ZMAT4: variants seen among roughly 807,000 people sequenced by gnomAD.
ZMAT4 encodes zinc finger matrin-type protein 4.
A neutral mutation model predicts 28.7 loss-of-function variants in ZMAT4; 17 were observed. The ratio of observed to expected loss-of-function variants is 0.59; its 90% confidence interval spans 0.41 to 0.89. The LOEUF is 0.89. Among genes scored for constraint, ZMAT4 ranks in the 40% least tolerant of loss-of-function variants. ZMAT4 has a pLI of 0.00. For missense variants in ZMAT4, 240 were observed against 283.8 expected (o/e 0.85, Z 1.11); for synonymous variants, 117 against 109.2 (o/e 1.07, Z -0.44).
chr8:40,799,365 C>T (rs767471823), intron 2 of ZMAT4, among the ~76,000 whole-genome samples: 100 of 152,206 alleles, frequency 6.6e-4, no homozygotes, highest in Non-Finnish European at 1.1e-3. Flanking sequence ...TCCTGTCTGT[C>T]CGTCTCTCTC....
At chr8:40,674,679 C>A in intron 5 of ZMAT4, 25 bp downstream of exon 5, 1 of 1,589,818 alleles carries the variant, frequency 6.3e-7, no homozygotes. Flanking sequence ...AGTTTTGTGG[C>A]AGAAGTGAGA....
At chr8:40,795,429 T>G (rs956042152) in intron 2 of ZMAT4, among the ~76,000 whole-genome samples, 1 of 152,188 alleles carries the variant, frequency 6.6e-6, no homozygotes, top group African/African-American at 2.4e-5. Context: ...ATGAGACTGT[T>G]TTTTAGTGCA....
intron 3 of ZMAT4, among the ~76,000 whole-genome samples, chr8:40,703,627 G>A (rs1022779741): frequency 3.3e-5 from 5 of 152,138 alleles, no homozygotes; most frequent in Non-Finnish European, 5.9e-5. Context: ...AGGAGTGATT[G>A]CTAATGGGTA....
chr8:40,648,188 A>C (rs1167344500), intron 5 of ZMAT4, among the ~76,000 whole-genome samples: 1 of 152,188 alleles, frequency 6.6e-6, no homozygotes, highest in East Asian at 1.9e-4. Flanking sequence ...AAAATTTAGA[A>C]GAACGTATAA....
intron 3 of ZMAT4, among the ~76,000 whole-genome samples, chr8:40,710,281 A>T (rs1810547158): frequency 6.6e-6 from 1 of 152,184 alleles, no homozygotes; most frequent in Non-Finnish European, 1.5e-5. Flanking sequence ...CAATATTGTT[A>T]TTCACGGGAT....
At chr8:40,728,371 A>G (rs1427509443) in intron 3 of ZMAT4, among the ~76,000 whole-genome samples, 1 of 152,196 alleles carries the variant, frequency 6.6e-6, no homozygotes, top group East Asian at 1.9e-4. Flanking sequence ...TTTCTTGTTC[A>G]TGTAACATCC....
chr8:40,574,670 T>C (rs1804204329), intron 6 of ZMAT4, among the ~76,000 whole-genome samples: 1 of 152,138 alleles, frequency 6.6e-6, no homozygotes, highest in Non-Finnish European at 1.5e-5. Context: ...AAGTCCAGCA[T>C]AGAGAGGGGA....
At chr8:40,881,437 A>AAGAAAGAAAG (rs1818223694) in intron 1 of ZMAT4, among the ~76,000 whole-genome samples, 1 of 50,064 alleles carries the variant, frequency 2.0e-5, no homozygotes, top group Non-Finnish European at 4.5e-5. Flanking sequence ...GAAAGAGAGA[A>AAGAAAGAAAG]AGAAAGAAAG....
In ZMAT4 at chr8:40,683,794, G is replaced by A. The variant is rs571521763; in HGVS notation, c.350-8863C>T. Among the ~76,000 whole-genome samples, 4 of 152,270 alleles carry A rather than the reference G, an allele frequency of 2.6e-5. No homozygotes were observed. In the South Asian group the frequency reaches 8.3e-4, roughly 32 times the overall value. ...GTATAATTATTTCAGACCAGGCACA[G>A]TGGCTCACGCTTGTAATTCCAGAAC... is the stretch of plus-strand genomic sequence containing the variant. On this transcript the variant is annotated intron_variant, in intron 4 of 6. Transcript: ENST00000297737.
At chr8:40,729,982 T>A (rs933699769) in intron 3 of ZMAT4, among the ~76,000 whole-genome samples, 6 of 152,228 alleles carry the variant, frequency 3.9e-5, no homozygotes, top group African/African-American at 7.2e-5. Context: ...TATATTTGAG[T>A]AACCATAATT....
chr8:40,638,582 G>A lies in ZMAT4; in HGVS notation c.577+36122C>T, dbSNP rs140948902. ...TGTTCAGAGAATCAATGGCAACCAA[G>A]AAGACAAGTACCACAAGAGTGACTC... is the stretch of plus-strand genomic sequence containing the variant. On this transcript the variant is annotated intron_variant, in intron 5 of 6. Transcript: ENST00000297737. 2.9e-3 allele frequency among the ~76,000 whole-genome samples: 437 copies of A among 152,294 alleles called. 4 individuals carry two copies. The highest frequency in any genetic ancestry group is 9.9e-3 in the African/African-American group (412 of 41,562).
intron 6 of ZMAT4, among the ~76,000 whole-genome samples, chr8:40,574,981 G>A (rs1391202045): frequency 1.3e-5 from 2 of 152,180 alleles, no homozygotes; most frequent in East Asian, 1.9e-4. Context: ...TGAAATCAAA[G>A]TCACTGCTGG....
intron 6 of ZMAT4, among the ~76,000 whole-genome samples, chr8:40,580,264 A>G (rs1315244841): frequency 7.2e-5 from 11 of 152,006 alleles, no homozygotes; most frequent in Non-Finnish European, 5.9e-5. Context: ...CGCCCACCTC[A>G]GCCTCCCAAA....
chr8:40,641,478 T>C (rs571482454), intron 5 of ZMAT4, among the ~76,000 whole-genome samples: 282 of 152,276 alleles, frequency 1.9e-3, no homozygotes, highest in Non-Finnish European at 3.5e-3. Context: ...AGAATTATTC[T>C]AAAAAACAGT....
chr8:40,690,800 C>T (rs1809627553), intron 4 of ZMAT4: 1 of 651,634 alleles, frequency 1.5e-6, no homozygotes, highest in Non-Finnish European at 1.9e-6. Flanking sequence ...GAAGCTCTGT[C>T]TCTCTAATTT....
chr8:40,577,062 TG>T (rs1208112127), intron 6 of ZMAT4, among the ~76,000 whole-genome samples: 2 of 152,004 alleles, frequency 1.3e-5, no homozygotes, highest in Non-Finnish European at 2.9e-5. Flanking sequence ...GGCATTATGG[TG>T]GATGCCTGTA....
At chr8:40,538,499 G>A (rs922298064) in intron 6 of ZMAT4, among the ~76,000 whole-genome samples, 6 of 152,018 alleles carry the variant, frequency 3.9e-5, no homozygotes, top group Non-Finnish European at 7.4e-5. Flanking sequence ...GCTGCATCGC[G>A]GGCCATAGTA....
intron 2 of ZMAT4, among the ~76,000 whole-genome samples, chr8:40,780,844 C>T (rs543675496): frequency 6.6e-6 from 1 of 152,312 alleles, no homozygotes; most frequent in South Asian, 2.1e-4. Flanking sequence ...CTAACACCCT[C>T]TCATGACAAA....
At chr8:40,602,229 GTATACATATATATCACGTTTTCTT>G (rs2118624436) in intron 5 of ZMAT4, among the ~76,000 whole-genome samples, 1 of 152,286 alleles carries the variant, frequency 6.6e-6, no homozygotes, top group East Asian at 1.9e-4. Flanking sequence ...TTATGTGTGT[GTATACATATATATCACGTTTTCTT>G]TATCCACTCG....
Sources: gnomAD v4.1 joint callset for allele counts (sites outside exome capture counted in the v4.1 genomes callset) on GRCh38, gnomAD v4.1.1 for gene constraint, MANE v1.5 for transcripts, NCBI Gene and HGNC (gene_info 2026-07-23, HGNC 2026-07-21) for gene names.